The following AUTS2 variants were observed in gnomAD, a reference collection of about 807,000 sequenced individuals.
AUTS2 encodes the protein activator of transcription and developmental regulator AUTS2.
A neutral mutation model predicts 112.4 loss-of-function variants in AUTS2; 17 were observed. That is an observed-to-expected ratio of 0.15 (90% CI 0.10 to 0.23). The LOEUF (loss-of-function observed/expected upper bound fraction) is 0.23. AUTS2 is among the 10% of genes least tolerant of loss of function. The pLI, the probability that AUTS2 is intolerant of heterozygous loss-of-function variation, is 1.00. For synonymous variants in AUTS2, 751 were observed against 702.7 expected, an observed-to-expected ratio of 1.07 and a Z score of -1.09; for missense variants, 1,510 against 1,701.6, an observed-to-expected ratio of 0.89 and a Z score of 1.98.
At chr7:69,685,279 C>A (rs1276678082) in intron 1 of AUTS2, among the ~76,000 whole-genome samples, 1 of 152,210 alleles carries the variant, frequency 6.6e-6, no homozygotes, top group Non-Finnish European at 1.5e-5. Flanking sequence ...TTGTCTTTTT[C>A]TCTATCTAAA....
chr7:69,989,681 A>G (rs1291170367), intron 2 of AUTS2, among the ~76,000 whole-genome samples: 2 of 152,198 alleles, frequency 1.3e-5, no homozygotes, highest in African/African-American at 4.8e-5. Flanking sequence ...CTGGACATCA[A>G]GTAGACTAGG....
At chr7:70,206,040 A>C (rs1810557154) in intron 4 of AUTS2, among the ~76,000 whole-genome samples, 1 of 152,226 alleles carries the variant, frequency 6.6e-6, no homozygotes, top group Non-Finnish European at 1.5e-5. Context: ...CCTAATTTGC[A>C]GAGGAGAAAA....
chr7:70,442,737 A>G (rs974882531), intron 5 of AUTS2, among the ~76,000 whole-genome samples: 2 of 152,076 alleles, frequency 1.3e-5, no homozygotes, highest in Non-Finnish European at 2.9e-5. Flanking sequence ...ACCGGCCCAT[A>G]TTGGCCTCCC....
At chr7:70,032,528 C>G (rs1400115825) in intron 2 of AUTS2, among the ~76,000 whole-genome samples, 1 of 151,958 alleles carries the variant, frequency 6.6e-6, no homozygotes, top group African/African-American at 2.4e-5. Flanking sequence ...CTATGATCAT[C>G]CTTAAAAAAA....
chr7:69,984,150 G>A (rs941006656), intron 2 of AUTS2, among the ~76,000 whole-genome samples: 3 of 152,184 alleles, frequency 2.0e-5, no homozygotes, highest in Non-Finnish European at 4.4e-5. Flanking sequence ...GGGCGCAGTG[G>A]CTCACGCTTG....
chr7:69,887,522 C>T (rs527681177), intron 1 of AUTS2, among the ~76,000 whole-genome samples: 30 of 151,802 alleles, frequency 2.0e-4, no homozygotes, highest in African/African-American at 6.3e-4. Flanking sequence ...TTATCACTTA[C>T]GGTAACTACA....
chr7:70,767,023 T>TA (rs1456194181), intron 9 of AUTS2, among the ~76,000 whole-genome samples: 1 of 152,142 alleles, frequency 6.6e-6, no homozygotes, highest in Non-Finnish European at 1.5e-5. Context: ...GAATTTTTTT[T>TA]TAAGTTAATA....
intron 4 of AUTS2, among the ~76,000 whole-genome samples, chr7:70,407,347 C>T (rs934646335): frequency 1.3e-5 from 2 of 152,112 alleles, no homozygotes; most frequent in African/African-American, 4.8e-5. Context: ...CTCTTTTTTG[C>T]AGCTGTCTTT....
At chr7:69,608,191 C>T (rs1362500921) in intron 1 of AUTS2, among the ~76,000 whole-genome samples, 12 of 152,206 alleles carry the variant, frequency 7.9e-5, no homozygotes, top group Admixed American at 7.9e-4. Context: ...TCCTCAGCCT[C>T]CCACAATGCT....
intron 1 of AUTS2, among the ~76,000 whole-genome samples, chr7:69,777,966 G>A (rs527486940): frequency 6.6e-6 from 1 of 152,234 alleles, no homozygotes; most frequent in East Asian, 1.9e-4. Flanking sequence ...TGGATGAAAA[G>A]CTAATAAATA....
At chr7:70,603,177 G>T (rs536973840) in intron 5 of AUTS2, among the ~76,000 whole-genome samples, 1 of 152,206 alleles carries the variant, frequency 6.6e-6, no homozygotes, top group Non-Finnish European at 1.5e-5. Context: ...AAGGTGGCAA[G>T]GTGAGCAAAA....
intron 4 of AUTS2, among the ~76,000 whole-genome samples, chr7:70,142,481 C>T (rs369146591): frequency 6.6e-6 from 1 of 152,182 alleles, no homozygotes; most frequent in Non-Finnish European, 1.5e-5. Context: ...CACTGTTCTT[C>T]ACTGTCAACA....
intron 4 of AUTS2, among the ~76,000 whole-genome samples, chr7:70,415,972 C>T (rs917545935): frequency 7.2e-5 from 11 of 152,212 alleles, no homozygotes; most frequent in African/African-American, 1.4e-4. Context: ...TTGAACCCTA[C>T]GTGTGAGAGA....
intron 1 of AUTS2, among the ~76,000 whole-genome samples, chr7:69,739,035 A>G (rs1212398520): frequency 1.3e-5 from 2 of 152,052 alleles, no homozygotes; most frequent in Non-Finnish European, 2.9e-5. Context: ...GGAATGTTTT[A>G]TTAGGTTCTG....
At chr7:70,032,159 TA>T (rs1243598451) in intron 2 of AUTS2, among the ~76,000 whole-genome samples, 5 of 152,020 alleles carry the variant, frequency 3.3e-5, no homozygotes, top group Non-Finnish European at 5.9e-5. Flanking sequence ...TCCAGGTCCT[TA>T]AAAAAAGGAC....
At chr7:70,560,276 G>A (rs561460153) in intron 5 of AUTS2, among the ~76,000 whole-genome samples, 37 of 152,298 alleles carry the variant, frequency 2.4e-4, no homozygotes, top group Admixed American at 4.6e-4. Context: ...ACAGCACTGA[G>A]CCAACATTTA....
chr7:69,694,912 A>C (rs1031132145), intron 1 of AUTS2, among the ~76,000 whole-genome samples: 1 of 152,218 alleles, frequency 6.6e-6, no homozygotes, highest in Admixed American at 6.5e-5. Context: ...TAAAATATGT[A>C]CTGCTTTATA....
intron 5 of AUTS2, among the ~76,000 whole-genome samples, chr7:70,493,284 T>C (rs552665362): frequency 1.3e-5 from 2 of 152,348 alleles, no homozygotes; most frequent in Non-Finnish European, 2.9e-5. Context: ...GGTTGTCTTA[T>C]CTGTCTCCAG....
intron 1 of AUTS2, among the ~76,000 whole-genome samples, chr7:69,689,152 C>T (rs1458292050): frequency 1.3e-5 from 2 of 151,886 alleles, no homozygotes; most frequent in African/African-American, 2.4e-5. Flanking sequence ...GTCTAGTTTC[C>T]TCATTTGTAG....
Sources: allele counts gnomAD v4.1 joint callset (sites outside exome capture counted in the v4.1 genomes callset), GRCh38; gene constraint gnomAD v4.1.1; transcripts MANE v1.5; gene names NCBI Gene and HGNC (gene_info 2026-07-23, HGNC 2026-07-21).